Variants in GALNT13 observed in about 807,000 individuals in gnomAD.
GALNT13 encodes the protein polypeptide N-acetylgalactosaminyltransferase 13.
GALNT13 carries 28 observed loss-of-function variants against 64.2 expected under a neutral mutation model. The ratio of observed to expected loss-of-function variants is 0.44; its 90% CI spans 0.32 to 0.60. The LOEUF is 0.60. Among genes scored for constraint, GALNT13 ranks in the 20% least tolerant of loss-of-function variants. The pLI is 0.05. For synonymous variants in GALNT13, 214 were observed against 224.6 expected (o/e 0.95, Z 0.42); for missense variants, 577 against 669.8 (o/e 0.86, Z 1.53).
chr2:153,392,563 G>A, the GALNT13 span, among the ~76,000 whole-genome samples: 1 of 152,100 alleles, frequency 6.6e-6, no homozygotes, highest in Admixed American at 6.6e-5. Flanking sequence ...CTAGCAGGCT[G>A]GAGACCCAGA....
At chr2:153,354,856 A>G in the GALNT13 span, among the ~76,000 whole-genome samples, 1 of 152,200 alleles carries the variant, frequency 6.6e-6, no homozygotes, top group Non-Finnish European at 1.5e-5. Flanking sequence ...AAGATGCCAA[A>G]AGGTTGTTAT....
At chr2:154,011,759 T>C (rs1197652296) in intron 3 of GALNT13, among the ~76,000 whole-genome samples, 1 of 152,202 alleles carries the variant, frequency 6.6e-6, no homozygotes, top group African/African-American at 2.4e-5. Flanking sequence ...CTGTGTTGGG[T>C]GCATATATAT....
At chr2:153,221,246 A>C in the GALNT13 span, among the ~76,000 whole-genome samples, 1 of 152,116 alleles carries the variant, frequency 6.6e-6, no homozygotes, top group Non-Finnish European at 1.5e-5. Flanking sequence ...GCGCCACTGC[A>C]CTCCAGTCTG....
At chr2:154,146,074 A>G (rs962072597) in intron 4 of GALNT13, among the ~76,000 whole-genome samples, 4 of 151,628 alleles carry the variant, frequency 2.6e-5, no homozygotes, top group African/African-American at 7.3e-5. Flanking sequence ...TCACTATCCA[A>G]ATTAAAAGTG....
chr2:153,148,847 T>G, the GALNT13 span, among the ~76,000 whole-genome samples: 1 of 151,896 alleles, frequency 6.6e-6, no homozygotes, highest in East Asian at 1.9e-4. Flanking sequence ...ACATCAAAAC[T>G]TAGGAGGTTA....
chr2:153,250,694 T>C, the GALNT13 span, among the ~76,000 whole-genome samples: 1 of 152,182 alleles, frequency 6.6e-6, no homozygotes, highest in Admixed American at 6.5e-5. Context: ...TGAAATATTA[T>C]ACAGCCACAA....
intron 7 of GALNT13, among the ~76,000 whole-genome samples, chr2:154,250,826 C>T (rs936938778): frequency 2.0e-5 from 3 of 151,904 alleles, no homozygotes; most frequent in African/African-American, 7.2e-5. Flanking sequence ...ATAGATATCA[C>T]CAAAGCCTTT....
chr2:153,740,313 C>G, the GALNT13 span, among the ~76,000 whole-genome samples: 2 of 151,936 alleles, frequency 1.3e-5, no homozygotes, highest in Non-Finnish European at 2.9e-5. Flanking sequence ...CATATTGGAT[C>G]AATATTCAAG....
At chr2:154,397,124 G>T (rs1461213500) in intron 10 of GALNT13, among the ~76,000 whole-genome samples, 1 of 151,946 alleles carries the variant, frequency 6.6e-6, no homozygotes, top group Non-Finnish European at 1.5e-5. Flanking sequence ...AATATTGGTT[G>T]TGATTAAAGC....
At chr2:153,771,474 T>C in the GALNT13 span, among the ~76,000 whole-genome samples, 1 of 152,056 alleles carries the variant, frequency 6.6e-6, no homozygotes, top group Non-Finnish European at 1.5e-5. Flanking sequence ...TGGAGATATA[T>C]CCAGGTGTGG....
chr2:153,912,555 T>C (rs1020043678), intron 2 of GALNT13, among the ~76,000 whole-genome samples: 1 of 151,850 alleles, frequency 6.6e-6, no homozygotes, highest in African/African-American at 2.4e-5. Context: ...CCTTCAGTAT[T>C]TGAAGTTCCT....
chr2:153,615,576 A>T, the GALNT13 span, among the ~76,000 whole-genome samples: 16 of 152,012 alleles, frequency 1.1e-4, no homozygotes, highest in African/African-American at 3.9e-4. Flanking sequence ...CCATTTCAAC[A>T]GAGGTGAGGC....
intron 8 of GALNT13, chr2:154,287,306 A>G (rs1574021434): frequency 1.5e-6 from 1 of 664,908 alleles, no homozygotes; most frequent in East Asian, 2.9e-5. Context: ...CATGGCGGGG[A>G]CAGTCTGATT....
At chr2:153,480,156 A>T in the GALNT13 span, among the ~76,000 whole-genome samples, 1 of 152,172 alleles carries the variant, frequency 6.6e-6, no homozygotes, top group African/African-American at 2.4e-5. Flanking sequence ...GTTGTCAATT[A>T]AAAATAAAAT....
intron 9 of GALNT13, among the ~76,000 whole-genome samples, chr2:154,382,774 GT>G (rs1698331778): frequency 7.2e-6 from 1 of 139,216 alleles, no homozygotes; most frequent in Non-Finnish European, 1.6e-5. Flanking sequence ...CAAATAACAT[GT>G]TCTCTTAAAA....
intron 8 of GALNT13, among the ~76,000 whole-genome samples, chr2:154,275,755 A>G (rs1255226242): frequency 6.6e-6 from 1 of 152,180 alleles, no homozygotes; most frequent in Non-Finnish European, 1.5e-5. Flanking sequence ...CAGACCCCAG[A>G]ATGGTAGCTC....
At chr2:154,127,648 G>A (rs1413230679) in intron 3 of GALNT13, among the ~76,000 whole-genome samples, 1 of 150,720 alleles carries the variant, frequency 6.6e-6, no homozygotes, top group Non-Finnish European at 1.5e-5. Context: ...GTATGTGTGT[G>A]TAGATATGGA....
chr2:153,635,984 A>G, the GALNT13 span, among the ~76,000 whole-genome samples: 1 of 152,198 alleles, frequency 6.6e-6, no homozygotes, highest in South Asian at 2.1e-4. Context: ...TGAAGGATGT[A>G]TGTGTGTTGA....
chr2:153,395,073 G>A, the GALNT13 span, among the ~76,000 whole-genome samples: 3 of 152,122 alleles, frequency 2.0e-5, no homozygotes, highest in Admixed American at 6.5e-5. Flanking sequence ...ACACCCTCAG[G>A]TCCTTGCCGT....
Sources: allele counts gnomAD v4.1 joint callset (sites outside exome capture counted in the v4.1 genomes callset), GRCh38; gene constraint gnomAD v4.1.1; transcripts MANE v1.5; gene names NCBI Gene and HGNC (gene_info 2026-07-23, HGNC 2026-07-21).